PNPT1: variants seen among roughly 807,000 people sequenced by gnomAD.
PNPT1 encodes polyribonucleotide nucleotidyltransferase 1, also known as polyribonucleotide nucleotidyltransferase 1, mitochondrial.
Under a neutral mutation model 119.5 loss-of-function variants are expected in PNPT1, and 53 were observed. The ratio of observed to expected loss-of-function variants is 0.44; its 90% confidence interval spans 0.36 to 0.56. The LOEUF is 0.56. Among genes scored for constraint, PNPT1 ranks in the 20% least tolerant of loss-of-function variants. PNPT1 has a pLI of 0.00. For missense variants in PNPT1, 948 were observed against 938.5 expected (o/e 1.01, Z -0.13); for synonymous variants, 357 against 322.1 (o/e 1.11, Z -1.16).
chr2:55,652,681 A>G (rs2104060868), intron 18 of PNPT1, among the ~76,000 whole-genome samples: 3 of 152,370 alleles, frequency 2.0e-5, no homozygotes, highest in South Asian at 4.1e-4. Flanking sequence ...CATCATTTAC[A>G]CAAGATATCA....
At chr2:55,666,929 C>A (rs1696749109) in intron 13 of PNPT1, 62 bp downstream of exon 13, 1 of 1,072,734 alleles carries the variant, frequency 9.3e-7, no homozygotes, top group Admixed American at 2.7e-5. Flanking sequence ...TAATGTACTT[C>A]TATTAGATCT....
chr2:55,680,752 T>G lies in PNPT1; in HGVS notation c.525A>C (p.Val175=). The change falls in exon 7 of 28, where the codon GTA becomes GTC. Residue 175 remains valine, a synonymous_variant. Coordinates refer to ENST00000447944, the MANE Select transcript of PNPT1 (RefSeq NM_033109.5). ...AAGGAATATCTGATAATGAGAGGGC[T>G]ACGGAAGCTTAAAAAAGGAGAAAAA... The part of the protein sequence containing the change: ...PDVLAINGAS[V]ALSLSDIPWN... 6.2e-7 allele frequency: 1 copy of G among 1,613,660 alleles called. No homozygotes were observed. Among genetic ancestry groups the G allele is most frequent in the South Asian group, 1.1e-5 (1 of 90,942 alleles).
rs567488852 is a variant in PNPT1, at chr2:55,652,377, T to G, written c.1495+2523A>C. On this transcript the variant is annotated intron_variant, in intron 18 of 27. Transcript: ENST00000447944. ...TTATCAAATTTAATTTTTTTGAGGTTTTTGGCTTTAACGCTTCAAATTTAA... is the reference window on the plus strand; with the variant it reads ...TTATCAAATTTAATTTTTTTGAGGTGTTTGGCTTTAACGCTTCAAATTTAA... 7.2e-5 allele frequency among the ~76,000 whole-genome samples: 11 copies of G among 152,322 alleles called. No individual in the cohort carries two copies. In the East Asian group the frequency reaches 2.1e-3, roughly 29 times the overall value.
chr2:55,670,680 C>A (rs989841822), intron 11 of PNPT1, among the ~76,000 whole-genome samples: 1 of 152,132 alleles, frequency 6.6e-6, no homozygotes, highest in East Asian at 1.9e-4. Flanking sequence ...ATTATTAACA[C>A]TGCAATTTCA....
Position 55,664,008 on chromosome 2 carries a change from G to T in PNPT1, c.1177-1982C>A, listed in dbSNP as rs567367533. Among the ~76,000 whole-genome samples the T allele has an allele frequency of 5.9e-5, 9 of 152,170 alleles. No homozygotes were observed. The South Asian group carries it at 1.9e-3, about 32-fold the overall frequency. On this transcript the variant is annotated intron_variant, in intron 13 of 27. Coordinates refer to ENST00000447944, the MANE Select transcript of PNPT1 (RefSeq NM_033109.5). ...CATCCCAAAAAAAGAAAACTCATAGGATGATATTAAAGGAAGTCTTGTCAG... is the reference window on the plus strand; with the variant it reads ...CATCCCAAAAAAAGAAAACTCATAGTATGATATTAAAGGAAGTCTTGTCAG...
chr2:55,686,330 C>G (rs1697404054), intron 3 of PNPT1, 40 bp downstream of exon 3: 1 of 1,544,162 alleles, frequency 6.5e-7, no homozygotes, highest in African/African-American at 1.4e-5. Context: ...ACACTTTACT[C>G]AGACCATATT....
At chr2:55,664,829 G>A (rs1400885844) in intron 13 of PNPT1, among the ~76,000 whole-genome samples, 1 of 151,926 alleles carries the variant, frequency 6.6e-6, no homozygotes, top group South Asian at 2.1e-4. Flanking sequence ...CTGAATCAAA[G>A]GTGACACTGA....
In PNPT1 at chr2:55,662,226, T is replaced by C. The variant is rs567184518; in HGVS notation, c.1177-200A>G. Among the ~76,000 whole-genome samples, 32 of 152,272 alleles carry C rather than the reference T, an allele frequency of 2.1e-4. No individual in the cohort carries two copies. The South Asian group carries it at 6.6e-3, about 32-fold the overall frequency. On this transcript the variant is annotated intron_variant, in intron 13 of 27. Coordinates refer to ENST00000447944, the MANE Select transcript of PNPT1 (RefSeq NM_033109.5). Reference sequence around the variant, plus strand: ...ATGTGTAAACCTCAATAATCCAAAGTTCTAACATCACATAGACTACATATG... The same window carrying C: ...ATGTGTAAACCTCAATAATCCAAAGCTCTAACATCACATAGACTACATATG...
At position 55,677,596 on chromosome 2, in the gene PNPT1, C is replaced by CAA. The variant is rs70954146; in HGVS notation, c.679+2084_679+2085dup. On this transcript the variant is annotated intron_variant, in intron 8 of 27. Coordinates refer to ENST00000447944, the MANE Select transcript of PNPT1 (RefSeq NM_033109.5). Reference sequence around the variant, plus strand: ...TGGGCAACAGAGCGAGACTATGTCTCAAAAAAAAAAAAAAAAAAAAAAAAA... The same window carrying CAA: ...TGGGCAACAGAGCGAGACTATGTCTCAAAAAAAAAAAAAAAAAAAAAAAAAAA... 4.9e-3 allele frequency among the ~76,000 whole-genome samples: 165 copies of CAA among 33,474 alleles called. 24 individuals carry two copies. The highest frequency in any genetic ancestry group is 9.3e-3 in the African/African-American group (67 of 7,222). 22.0% of individuals were successfully genotyped at this position (33,474 alleles called of 152,430 possible).
intron 15 of PNPT1, among the ~76,000 whole-genome samples, chr2:55,658,950 T>C (rs1449719763): frequency 6.6e-6 from 1 of 152,220 alleles, no homozygotes; most frequent in Non-Finnish European, 1.5e-5. Flanking sequence ...TCTCATGTTG[T>C]ATTCTTTTTC....
At chr2:55,662,559 C>T (rs901376473) in intron 13 of PNPT1, among the ~76,000 whole-genome samples, 1 of 152,138 alleles carries the variant, frequency 6.6e-6, no homozygotes, top group African/African-American at 2.4e-5. Context: ...CCTGTAGTCC[C>T]AGCTGCTTGG....
chr2:55,645,022 ATTT>A (rs528402444), intron 22 of PNPT1: 174 of 177,930 alleles, frequency 9.8e-4, no homozygotes, highest in Middle Eastern at 2.2e-3. Flanking sequence ...GATCACTAAA[ATTT>A]TTTTTTTTTT....
intron 8 of PNPT1, among the ~76,000 whole-genome samples, chr2:55,675,611 T>C (rs111863139): frequency 0.031 from 4,659 of 152,102 alleles, 113 homozygotes; most frequent in Non-Finnish European, 0.045. Context: ...GGACATAGGA[T>C]CGTTTGAACC....
At chr2:55,644,519 G>A (rs1695928040) in intron 23 of PNPT1, 118 bp downstream of exon 23, 3 of 650,166 alleles carry the variant, frequency 4.6e-6, no homozygotes, top group Non-Finnish European at 7.3e-6. Flanking sequence ...CTTTTCTCCT[G>A]GTCTTTCTCT....
At chr2:55,637,499 G>A (rs1695711099) in intron 27 of PNPT1, 53 bp downstream of exon 27, 2 of 1,482,746 alleles carry the variant, frequency 1.3e-6, no homozygotes, top group Non-Finnish European at 1.9e-6. Flanking sequence ...AAAAACAATG[G>A]AAGCTTCAAG....
At chr2:55,691,668 G>A (rs970990820) in intron 1 of PNPT1, among the ~76,000 whole-genome samples, 1 of 151,924 alleles carries the variant, frequency 6.6e-6, no homozygotes, top group African/African-American at 2.4e-5. Flanking sequence ...TGAATGAAAT[G>A]TTCTGGGCAT....
Position 55,693,755 on chromosome 2 carries a change from C to T in PNPT1, c.69G>A (p.Leu23=), listed in dbSNP as rs761078570. Residue 23 remains leucine (L), a synonymous_variant, in exon 1 of 28, where the codon CTG becomes CTA. Transcript: ENST00000447944. ...LRPLSDGPFL[L]PRRDRALTQL... ...GGGTGAGTGCCCGATCCCGCCGTGG[C>T]AGAAGGAAAGGACCATCGCTCAGGG... 1 of 1,614,196 alleles carries T rather than the reference C, an allele frequency of 6.2e-7. No homozygotes were observed. The highest frequency in any genetic ancestry group is 8.5e-7 in the Non-Finnish European group (1 of 1,180,044).
At chr2:55,643,117 A>C in intron 25 of PNPT1, 41 bp downstream of exon 25, 2 of 1,606,960 alleles carry the variant, frequency 1.2e-6, no homozygotes, top group East Asian at 4.5e-5. Context: ...CTGTCTCTAA[A>C]GAAAGGAAAA....
chr2:55,656,510 A>G lies in PNPT1; in HGVS notation c.1285-139T>C, dbSNP rs993150565. On this transcript the variant is annotated intron_variant, in intron 15 of 27. Coordinates refer to ENST00000447944, the MANE Select transcript of PNPT1 (RefSeq NM_033109.5). ...TTTAAAAAAGTACATTCATAAATAT[A>G]CAGAAAACGTATGATATAAATTTAA... 5 of 744,224 alleles carry G rather than the reference A, an allele frequency of 6.7e-6. No individual in the cohort carries two copies. The African/African-American group carries it at 7.1e-5, about 11-fold the overall frequency. 46.1% of individuals were successfully genotyped at this position (744,224 alleles called of 1,614,324 possible).
Sources: allele counts gnomAD v4.1 joint callset (sites outside exome capture counted in the v4.1 genomes callset), GRCh38; gene constraint gnomAD v4.1.1; transcripts MANE v1.5; gene names NCBI Gene and HGNC (gene_info 2026-07-23, HGNC 2026-07-21).